Variants in CTNNA3 observed in about 807,000 individuals in gnomAD.
The protein encoded by CTNNA3 is catenin alpha 3.
In CTNNA3, 76 loss-of-function variants were observed where a neutral mutation model predicts 95.7. The ratio of observed to expected loss-of-function variants is 0.79; its 90% CI spans 0.66 to 0.96. The LOEUF (loss-of-function observed/expected upper bound fraction) is 0.96, where lower values mean the gene tolerates loss of function less well. CTNNA3 is among the 40% of genes least tolerant of loss of function. The probability of loss-of-function intolerance (pLI) is 0.00; values close to 1 mark genes in which losing one functional copy is unlikely to be tolerated. For synonymous variants in CTNNA3, 431 were observed against 374.4 expected (o/e 1.15, Z -1.74); for missense variants, 1,191 against 1,089.8 (o/e 1.09, Z -1.31).
intron 7 of CTNNA3, among the ~76,000 whole-genome samples, chr10:66,979,272 C>G (rs532178642): frequency 4.6e-5 from 7 of 152,122 alleles, no homozygotes; most frequent in African/African-American, 1.4e-4. Context: ...CTGGTCATAA[C>G]TATTTCTTAA....
chr10:67,608,199 C>G (rs755191939), intron 2 of CTNNA3, among the ~76,000 whole-genome samples: 1 of 152,012 alleles, frequency 6.6e-6, no homozygotes, highest in Non-Finnish European at 1.5e-5. Flanking sequence ...TGGACTTTGT[C>G]CCCTGAAGCA....
At chr10:66,890,763 G>T (rs1357272299) in intron 7 of CTNNA3, among the ~76,000 whole-genome samples, 1 of 152,176 alleles carries the variant, frequency 6.6e-6, no homozygotes, top group Non-Finnish European at 1.5e-5. Flanking sequence ...TAAGAAGAAA[G>T]ATTTTGAAAA....
intron 11 of CTNNA3, among the ~76,000 whole-genome samples, chr10:66,518,489 A>G (rs1376323004): frequency 6.6e-6 from 1 of 152,140 alleles, no homozygotes; most frequent in Non-Finnish European, 1.5e-5. Flanking sequence ...CTTTTCCAAT[A>G]TAAGGTGTTG....
chr10:66,821,757 G>A (rs1589293621), intron 7 of CTNNA3, among the ~76,000 whole-genome samples: 1 of 152,232 alleles, frequency 6.6e-6, no homozygotes, highest in East Asian at 1.9e-4. Flanking sequence ...CACTCAGTCT[G>A]CTAGTATGCG....
At chr10:66,698,513 A>G (rs80036874) in intron 9 of CTNNA3, among the ~76,000 whole-genome samples, 11,716 of 152,262 alleles carry the variant, frequency 0.077, 497 homozygotes, top group Middle Eastern at 0.13. Context: ...GGTATTTCAT[A>G]TGGTTGTGGA....
chr10:67,481,240 C>G (rs1348654958), intron 5 of CTNNA3, among the ~76,000 whole-genome samples: 3 of 152,180 alleles, frequency 2.0e-5, no homozygotes, highest in Non-Finnish European at 4.4e-5. Context: ...CCCACTCTCA[C>G]TACTCATCTT....
At chr10:66,613,349 C>A (rs1300314706) in intron 10 of CTNNA3, among the ~76,000 whole-genome samples, 1 of 151,978 alleles carries the variant, frequency 6.6e-6, no homozygotes, top group Non-Finnish European at 1.5e-5. Flanking sequence ...CTGAGTACCC[C>A]CTAAATCCCC....
chr10:67,587,448 T>C (rs1842670057), intron 3 of CTNNA3, among the ~76,000 whole-genome samples: 1 of 152,102 alleles, frequency 6.6e-6, no homozygotes, highest in South Asian at 2.1e-4. Context: ...AAAGTGTTTA[T>C]TTCTCCTTCA....
chr10:67,433,191 C>A (rs1028488532), intron 5 of CTNNA3, among the ~76,000 whole-genome samples: 12 of 151,864 alleles, frequency 7.9e-5, no homozygotes, highest in African/African-American at 2.9e-4. Flanking sequence ...ATTAATTGAC[C>A]TAATTTCAAT....
chr10:66,495,054 C>A (rs1299358090), intron 11 of CTNNA3, among the ~76,000 whole-genome samples: 1 of 152,136 alleles, frequency 6.6e-6, no homozygotes, highest in African/African-American at 2.4e-5. Flanking sequence ...CATGTTGTAT[C>A]GCCAACCCAC....
rs140680421 is a variant in CTNNA3 at position 67,678,794 on chromosome 10, A to C, written c.-6+17206T>G. The stretch of plus-strand genomic sequence containing the variant: ...TAAAGAACACACAAAAGAAGGAAGA[A>C]GGTAAAGGTTAGGATGAACACATCA... On this transcript the variant is annotated intron_variant, in intron 1 of 17. Transcript: ENST00000433211. 6.5e-3 allele frequency among the ~76,000 whole-genome samples: 995 copies of C among 152,316 alleles called. 2 individuals carry two copies. Among genetic ancestry groups the C allele is most frequent in the Non-Finnish European group, 0.01 (704 of 68,020 alleles).
At chr10:66,618,442 G>C (rs1366427778) in intron 10 of CTNNA3, among the ~76,000 whole-genome samples, 1 of 152,026 alleles carries the variant, frequency 6.6e-6, no homozygotes, top group Non-Finnish European at 1.5e-5. Flanking sequence ...ACAAACCTGA[G>C]AAAAACAAGA....
chr10:66,325,704 T>C (rs1012295844), intron 12 of CTNNA3, among the ~76,000 whole-genome samples: 6 of 136,828 alleles, frequency 4.4e-5, no homozygotes, highest in African/African-American at 1.5e-4. Flanking sequence ...CTGAGGCTGT[T>C]TAGCCACAAG....
intron 5 of CTNNA3, among the ~76,000 whole-genome samples, chr10:67,518,422 A>T (rs1839884763): frequency 6.6e-6 from 1 of 152,154 alleles, no homozygotes; most frequent in African/African-American, 2.4e-5. Flanking sequence ...GTCAGAAGGC[A>T]AGAATAGTAT....
At chr10:66,000,831 A>G (rs947902910) in intron 15 of CTNNA3, among the ~76,000 whole-genome samples, 16 of 152,168 alleles carry the variant, frequency 1.1e-4, no homozygotes, top group South Asian at 1.0e-3. Flanking sequence ...AGTTAAACGT[A>G]GCTTGACCAA....
chr10:66,602,790 C>T (rs1478001307), intron 10 of CTNNA3, among the ~76,000 whole-genome samples: 2 of 152,046 alleles, frequency 1.3e-5, no homozygotes, highest in African/African-American at 4.8e-5. Flanking sequence ...AATCTTTTAA[C>T]ATGTGCAAAT....
intron 5 of CTNNA3, among the ~76,000 whole-genome samples, chr10:67,508,139 G>C (rs755460278): frequency 6.6e-6 from 1 of 151,824 alleles, no homozygotes; most frequent in Non-Finnish European, 1.5e-5. Flanking sequence ...TCATACTCCC[G>C]AATAGCTGGG....
intron 7 of CTNNA3, among the ~76,000 whole-genome samples, chr10:67,121,188 C>T (rs534488434): frequency 5.3e-5 from 8 of 152,164 alleles, no homozygotes; most frequent in African/African-American, 1.9e-4. Flanking sequence ...TACATAAAAA[C>T]CATCTTCCGT....
At chr10:66,619,733 T>TA (rs1201518672) in intron 10 of CTNNA3, among the ~76,000 whole-genome samples, 1 of 149,488 alleles carries the variant, frequency 6.7e-6, no homozygotes, top group Non-Finnish European at 1.5e-5. Context: ...ACATAAAAAG[T>TA]AAAAAATAAA....
Sources: allele counts gnomAD v4.1 joint callset (sites outside exome capture counted in the v4.1 genomes callset), GRCh38; gene constraint gnomAD v4.1.1; transcripts MANE v1.5; gene names NCBI Gene and HGNC (gene_info 2026-07-23, HGNC 2026-07-21).